The following DLC1 variants were observed in gnomAD, a reference collection of about 807,000 sequenced individuals.
The protein encoded by DLC1 is DLC1 Rho GTPase activating protein, also known as rho GTPase-activating protein 7.
In DLC1, 54 loss-of-function variants were observed where a neutral mutation model predicts 140.3. That is an observed-to-expected ratio of 0.38 (90% CI 0.31 to 0.48). The LOEUF is 0.48. DLC1 is among the 20% of genes least tolerant of loss of function. The probability of loss-of-function intolerance (pLI) is 0.96; values close to 1 mark genes in which losing one functional copy is unlikely to be tolerated. For missense variants in DLC1, 2,536 were observed against 1,907.0 expected (o/e 1.33, Z -6.14); for synonymous variants, 986 against 728.1 (o/e 1.35, Z -5.70).
At chr8:13,240,156 C>T (rs1023154158) in intron 5 of DLC1, among the ~76,000 whole-genome samples, 1 of 152,108 alleles carries the variant, frequency 6.6e-6, no homozygotes, top group African/African-American at 2.4e-5. Context: ...AAGTAGATGT[C>T]TCTGGAGACC....
In DLC1 at chr8:13,084,564, C is replaced by T. The variant is rs1176586932; in HGVS notation, c.*1247G>A. On this transcript the variant is annotated 3_prime_UTR_variant, in exon 18 of 18. Coordinates refer to ENST00000276297, the MANE Select transcript of DLC1 (RefSeq NM_182643.3). ...TTCTTGTTGCGTTTTACTATGATTA[C>T]TATTTTTCATTACCACTTAAATATA... 2 of 147,276 alleles carry T rather than the reference C, an allele frequency of 1.4e-5. No individual in the cohort carries two copies. The highest frequency in any genetic ancestry group is 3.0e-5 in the Non-Finnish European group (2 of 67,414). The allele number at this position is 147,276 out of a possible 1,614,324, so 9.1% of individuals were successfully genotyped here.
chr8:13,396,361 G>C (rs1349589986), intron 3 of DLC1, among the ~76,000 whole-genome samples: 1 of 152,082 alleles, frequency 6.6e-6, no homozygotes, highest in Non-Finnish European at 1.5e-5. Flanking sequence ...GCCTGGCCTT[G>C]CATTAATTTC....
At chr8:13,552,158 T>G (rs1192369021) in intron 1 of DLC1, among the ~76,000 whole-genome samples, 2 of 140,092 alleles carry the variant, frequency 1.4e-5, no homozygotes, top group African/African-American at 5.2e-5. Flanking sequence ...TAGAGGTACA[T>G]ATATATATCT....
chr8:13,406,475 T>A (rs1447898267), intron 2 of DLC1, among the ~76,000 whole-genome samples: 1 of 152,202 alleles, frequency 6.6e-6, no homozygotes, highest in Non-Finnish European at 1.5e-5. Flanking sequence ...TTACTCTAAC[T>A]TCTCAGCTTG....
chr8:13,259,776 T>C (rs999407640), intron 5 of DLC1, among the ~76,000 whole-genome samples: 1 of 151,234 alleles, frequency 6.6e-6, no homozygotes. Context: ...ACCAGCACTA[T>C]ATACAAGTAC....
chr8:13,308,496 A>G (rs929729230), intron 4 of DLC1, among the ~76,000 whole-genome samples: 2 of 152,196 alleles, frequency 1.3e-5, no homozygotes, highest in Admixed American at 6.5e-5. Context: ...AATATATTAC[A>G]TTGTTAAATT....
intron 4 of DLC1, among the ~76,000 whole-genome samples, chr8:13,374,753 G>T (rs931533963): frequency 6.6e-6 from 1 of 152,206 alleles, no homozygotes; most frequent in Non-Finnish European, 1.5e-5. Context: ...TTGCACTCCA[G>T]TCTGGGTGAC....
intron 5 of DLC1, among the ~76,000 whole-genome samples, chr8:13,162,748 TG>T (rs1824805593): frequency 6.6e-6 from 1 of 152,128 alleles, no homozygotes; most frequent in African/African-American, 2.4e-5. Context: ...GAAACCAGCC[TG>T]GGCAGCACAG....
intron 7 of DLC1, among the ~76,000 whole-genome samples, chr8:13,109,752 G>A (rs1267726173): frequency 6.6e-6 from 1 of 151,850 alleles, no homozygotes; most frequent in African/African-American, 2.4e-5. Flanking sequence ...GGGCGTGATG[G>A]TGGGCGCCTG....
intron 2 of DLC1, among the ~76,000 whole-genome samples, chr8:13,485,266 C>T (rs556378484): frequency 6.6e-6 from 1 of 152,260 alleles, no homozygotes; most frequent in East Asian, 1.9e-4. Context: ...CATAGTGTAG[C>T]CATCTTTGTT....
intron 5 of DLC1, among the ~76,000 whole-genome samples, chr8:13,237,485 T>G (rs1216544520): frequency 1.3e-5 from 2 of 151,974 alleles, no homozygotes; most frequent in Non-Finnish European, 2.9e-5. Context: ...TTCAATAGTT[T>G]TTGAGGTACA....
At chr8:13,467,406 G>T (rs2117051668) in intron 2 of DLC1, among the ~76,000 whole-genome samples, 1 of 150,566 alleles carries the variant, frequency 6.6e-6, no homozygotes, top group African/African-American at 2.4e-5. Flanking sequence ...TTTTTCTGTA[G>T]CTATCAATTT....
chr8:13,233,631 A>G (rs921461928), intron 5 of DLC1, among the ~76,000 whole-genome samples: 5 of 152,226 alleles, frequency 3.3e-5, no homozygotes, highest in Non-Finnish European at 5.9e-5. Context: ...ATGCTATAAT[A>G]TCATAGTCAA....
At chr8:13,154,398 G>C (rs1275778411) in intron 5 of DLC1, among the ~76,000 whole-genome samples, 1 of 152,218 alleles carries the variant, frequency 6.6e-6, no homozygotes, top group African/African-American at 2.4e-5. Flanking sequence ...CGGGCCAGCA[G>C]TGCTGGGGGA....
At chr8:13,598,181 G>A (rs1006351767) in intron 1 of DLC1, among the ~76,000 whole-genome samples, 11 of 151,824 alleles carry the variant, frequency 7.2e-5, no homozygotes, top group African/African-American at 2.7e-4. Flanking sequence ...AAAGATTTTT[G>A]AAGAGTATAA....
At position 13,544,196 on chromosome 8, in the gene DLC1, A is replaced by AC. The variant is rs58804647; in HGVS notation, c.-125-44001_-125-44000insG. Among the ~76,000 whole-genome samples, 807 of 130,000 alleles carry AC rather than the reference A, an allele frequency of 6.2e-3. 9 individuals are homozygous for AC. Among genetic ancestry groups the AC allele is most frequent in the African/African-American group, 0.02 (766 of 38,530 alleles). The allele number at this position is 130,000 out of a possible 152,430, so 85.3% of individuals were successfully genotyped here. On this transcript the variant is annotated intron_variant, in intron 1 of 1. Transcript: ENST00000631382. ...TTGTCATTCTCTCTTACACACACAC[A>AC]AACACACACACACACACACACACAC...
rs930920040 is a variant in DLC1, at chr8:13,154,929, C to A, written c.1349-39272G>T. Among the ~76,000 whole-genome samples, 5 of 151,992 alleles carry A rather than the reference C, an allele frequency of 3.3e-5. No individual in the cohort carries two copies. In the South Asian group the frequency reaches 6.2e-4, roughly 19 times the overall value. On this transcript the variant is annotated intron_variant, in intron 5 of 17. Coordinates refer to ENST00000276297, the MANE Select transcript of DLC1 (RefSeq NM_182643.3). ...CACTGTTTTTTATAAATTTAAAAAACTTATGTTTTTAAAATTCAAATAATA... is the reference window on the plus strand; with the variant it reads ...CACTGTTTTTTATAAATTTAAAAAAATTATGTTTTTAAAATTCAAATAATA...
intron 2 of DLC1, among the ~76,000 whole-genome samples, chr8:13,487,418 C>G (rs1459833422): frequency 6.6e-6 from 1 of 152,068 alleles, no homozygotes; most frequent in African/African-American, 2.4e-5. Flanking sequence ...AAAATTTATA[C>G]AATAATGGTA....
Position 13,133,007 on chromosome 8 carries a change from G to T in DLC1, c.1349-17350C>A, listed in dbSNP as rs769531956. 27 of 1,606,900 alleles carry T rather than the reference G, an allele frequency of 1.7e-5. No homozygotes were observed. The Admixed American group carries it at 4.6e-4, about 27-fold the overall frequency. ...AAGCACGGCAGGCGGCGGCGGAAGC[G>T]CTGTGGGGAAGTCGAGGCAGGCGGA... On this transcript the variant is annotated intron_variant, in intron 5 of 17. Transcript: ENST00000276297.
Sources: gnomAD v4.1 joint callset for allele counts (sites outside exome capture counted in the v4.1 genomes callset) on GRCh38, gnomAD v4.1.1 for gene constraint, MANE v1.5 for transcripts, NCBI Gene and HGNC (gene_info 2026-07-23, HGNC 2026-07-21) for gene names.